Variants in GRAP2 observed in about 807,000 individuals in gnomAD.
GRAP2 encodes GRB2 related adaptor protein 2, also known as GRB2-related adapter protein 2.
Under a neutral mutation model 43.5 loss-of-function variants are expected in GRAP2, and 31 were observed. That is an observed-to-expected ratio of 0.71 (90% CI 0.54 to 0.96). The LOEUF is 0.96. Ranked by LOEUF, GRAP2 falls within the 40% of genes least tolerant of loss-of-function variation. The probability of loss-of-function intolerance (pLI) is 0.00; values close to 1 mark genes in which losing one functional copy is unlikely to be tolerated. For missense variants in GRAP2, 371 were observed against 424.4 expected (o/e 0.87, Z 1.11); for synonymous variants, 156 against 164.8 (o/e 0.95, Z 0.41).
chr22:39,956,667 C>G (rs1165600710), intron 3 of GRAP2, among the ~76,000 whole-genome samples: 1 of 151,410 alleles, frequency 6.6e-6, no homozygotes, highest in East Asian at 2.0e-4. Flanking sequence ...TGGGGTTTCA[C>G]CATGATGGAC....
upstream of GRAP2, among the ~76,000 whole-genome samples, chr22:39,898,799 C>T (rs777799538): frequency 4.6e-5 from 7 of 152,002 alleles, no homozygotes; most frequent in Non-Finnish European, 2.9e-5. Flanking sequence ...GGCAACCGAG[C>T]GAGACTCAGT....
intron 1 of GRAP2, among the ~76,000 whole-genome samples, chr22:39,914,345 G>C (rs2066588010): frequency 6.6e-6 from 1 of 152,118 alleles, no homozygotes; most frequent in African/African-American, 2.4e-5. Context: ...TTCAGCAAAC[G>C]CTTTCACTGT....
intron 1 of GRAP2, among the ~76,000 whole-genome samples, chr22:39,913,929 G>A (rs542482479): frequency 6.6e-6 from 1 of 152,104 alleles, no homozygotes; most frequent in African/African-American, 2.4e-5. Context: ...CCTGCACACA[G>A]TGTGATTTCT....
intron 1 of GRAP2, among the ~76,000 whole-genome samples, chr22:39,924,631 G>A (rs536658017): frequency 1.1e-4 from 16 of 152,250 alleles, no homozygotes; most frequent in Admixed American, 4.6e-4. Context: ...CAACCCGGGC[G>A]GCGGAGGTTG....
Position 39,920,943 on chromosome 22 carries a change from G to GACACACAC in GRAP2, c.-15+19653_-15+19660dup, listed in dbSNP as rs137974. Among the ~76,000 whole-genome samples the GACACACAC allele has an allele frequency of 4.0e-3, 566 of 142,578 alleles. 5 individuals are homozygous for GACACACAC. Among genetic ancestry groups the GACACACAC allele is most frequent in the Non-Finnish European group, 4.7e-3 (306 of 64,566 alleles). The allele number at this position is 142,578 out of a possible 152,430, so 93.5% of individuals were successfully genotyped here. A position where few individuals can be genotyped will look rare whatever the true frequency, so the allele number is the denominator to read the frequency against. On this transcript the variant is annotated intron_variant, in intron 1 of 7. Coordinates refer to ENST00000344138, the MANE Select transcript of GRAP2 (RefSeq NM_004810.4). ...AATGGGTATTTAACTTCTCTACACA[G>GACACACAC]ACACACACACACACACACACACACA...
intron 1 of GRAP2, among the ~76,000 whole-genome samples, chr22:39,934,302 G>C (rs1195299833): frequency 1.3e-5 from 2 of 152,088 alleles, no homozygotes; most frequent in African/African-American, 2.4e-5. Context: ...TTGATTAAAG[G>C]GTGGTCAATG....
rs1255710073 is a variant in GRAP2 at position 39,960,069 on chromosome 22, G to T, written c.185G>T (p.Gly62Val). 1.2e-6 allele frequency: 2 copies of T among 1,613,516 alleles called. No homozygotes were observed. Among genetic ancestry groups the T allele is most frequent in the South Asian group, 1.1e-5 (1 of 91,060 alleles). ...CGCCCCCACAGATGGTTTCACGAAG[G>T]CCTCTCTCGACACCAGGCAGAGAAC... is the stretch of plus-strand genomic sequence containing the variant. ...DIQFPKWFHE[G>V]LSRHQAENLL... The change falls in exon 4 of 8, where the codon GGC becomes GTC. Residue 62 changes from glycine (G) to valine (V), a missense_variant. Physicochemically the swap from Gly to Val is moderately radical, Grantham distance 109. Transcript: ENST00000344138.
intron 1 of GRAP2, among the ~76,000 whole-genome samples, chr22:39,944,446 A>G (rs2066900753): frequency 6.6e-6 from 1 of 152,174 alleles, no homozygotes; most frequent in African/African-American, 2.4e-5. Context: ...CCCACCCTGA[A>G]CAAACAGCAG....
intron 2 of GRAP2, 101 bp from the exon 3 acceptor site, chr22:39,955,718 C>T (rs574703894): frequency 4.7e-5 from 31 of 657,164 alleles, no homozygotes; most frequent in Non-Finnish European, 7.6e-5. Context: ...AACATATTTT[C>T]CTCTAAGTCC....
At chr22:39,950,850 G>T (rs922354351) in intron 2 of GRAP2, among the ~76,000 whole-genome samples, 3 of 152,194 alleles carry the variant, frequency 2.0e-5, no homozygotes, top group African/African-American at 7.2e-5. Context: ...TGCAATGTCT[G>T]CCCCCCACCT....
chr22:39,894,314 A>G, the GRAP2 span, among the ~76,000 whole-genome samples: 1 of 151,078 alleles, frequency 6.6e-6, no homozygotes, highest in Non-Finnish European at 1.5e-5. Context: ...AACTATCGCA[A>G]GAACAAAAAA....
chr22:39,904,422 G>T (rs2066510941), intron 1 of GRAP2, among the ~76,000 whole-genome samples: 1 of 152,212 alleles, frequency 6.6e-6, no homozygotes, highest in East Asian at 1.9e-4. Context: ...AGAAAAGATA[G>T]TGAGAAAATA....
At chr22:39,946,497 T>TA (rs2145635434) in intron 1 of GRAP2, among the ~76,000 whole-genome samples, 1 of 152,292 alleles carries the variant, frequency 6.6e-6, no homozygotes, top group South Asian at 2.1e-4. Flanking sequence ...TAATATATCA[T>TA]AAAATAAGTA....
intron 7 of GRAP2, among the ~76,000 whole-genome samples, chr22:39,970,687 A>G (rs1015936395): frequency 6.6e-6 from 1 of 152,168 alleles, no homozygotes; most frequent in Non-Finnish European, 1.5e-5. Flanking sequence ...TTGGGAGGCC[A>G]AGGCAGGAGG....
In GRAP2 at chr22:39,937,338, C is replaced by T. The variant is rs1331171089; in HGVS notation, c.-14-9755C>T. The stretch of plus-strand genomic sequence containing the variant: ...AAGCCTGGTCAGTTTTCTGTTTCTC[C>T]ATCCACCATTTCTCCCCACTTCCCC... On this transcript the variant is annotated intron_variant, in intron 1 of 7. Coordinates refer to ENST00000344138, the MANE Select transcript of GRAP2 (RefSeq NM_004810.4). 2.0e-5 allele frequency among the ~76,000 whole-genome samples: 3 copies of T among 152,220 alleles called. No homozygotes were observed. In the East Asian group the frequency reaches 5.8e-4, roughly 29 times the overall value.
intron 1 of GRAP2, among the ~76,000 whole-genome samples, chr22:39,913,095 AG>A (rs1453573585): frequency 1.3e-5 from 2 of 150,022 alleles, no homozygotes; most frequent in African/African-American, 4.9e-5. Context: ...CGGGTGGCTG[AG>A]GTGGGAGAAT....
intron 1 of GRAP2, among the ~76,000 whole-genome samples, chr22:39,920,799 A>G (rs1426539891): frequency 6.6e-6 from 1 of 152,006 alleles, no homozygotes; most frequent in Non-Finnish European, 1.5e-5. Flanking sequence ...ATACACACAC[A>G]CACGTGGATG....
At chr22:39,897,640 C>T (rs192994094), upstream of GRAP2, among the ~76,000 whole-genome samples, 1 of 152,086 alleles carries the variant, frequency 6.6e-6, no homozygotes, top group Non-Finnish European at 1.5e-5. Context: ...CTGCCTCAGC[C>T]TCCCTAGTAG....
At chr22:39,957,721 G>C (rs934414029) in intron 3 of GRAP2, among the ~76,000 whole-genome samples, 1 of 152,136 alleles carries the variant, frequency 6.6e-6, no homozygotes, top group East Asian at 1.9e-4. Context: ...GATCACTTGT[G>C]GCTAGGAGTT....
Sources: allele counts gnomAD v4.1 joint callset (sites outside exome capture counted in the v4.1 genomes callset), GRCh38; gene constraint gnomAD v4.1.1; transcripts MANE v1.5; gene names NCBI Gene and HGNC (gene_info 2026-07-23, HGNC 2026-07-21).